Variants in THADA observed in about 807,000 individuals in gnomAD.
THADA encodes the protein THADA armadillo repeat containing.
In THADA, 213 loss-of-function variants were observed where a neutral mutation model predicts 219.8. The observed-to-expected ratio is 0.97, with a 90% CI of 0.87 to 1.09. The LOEUF (loss-of-function observed/expected upper bound fraction) is 1.09. Among genes scored for constraint, THADA ranks in the 50% least tolerant of loss-of-function variants. The pLI, the probability that THADA is intolerant of heterozygous loss-of-function variation, is 0.00. For missense variants in THADA, 2,956 were observed against 2,311.3 expected, an observed-to-expected ratio of 1.28 and a Z score of -5.72; for synonymous variants, 1,018 against 828.9, an observed-to-expected ratio of 1.23 and a Z score of -3.92.
intron 31 of THADA, among the ~76,000 whole-genome samples, chr2:43,295,662 G>C (rs1207429294): frequency 6.6e-6 from 1 of 152,152 alleles, no homozygotes; most frequent in Non-Finnish European, 1.5e-5. Flanking sequence ...ATAACTCAGA[G>C]AACTCTGCTG....
In THADA at chr2:43,577,132, GA is replaced by G; in HGVS notation, c.926del (p.Phe309SerfsTer35). 1 of 1,612,472 alleles carries G rather than the reference GA, an allele frequency of 6.2e-7. No individual in the cohort carries two copies. Among genetic ancestry groups the G allele is most frequent in the South Asian group, 1.1e-5 (1 of 90,460 alleles). ...CGDISQSAVL[F>X]LCQGTLAMLD... ...ACATGGCAAGTGTCCCCTGACAGAG[GA>G]ATAAGACAGCTGACTGAGAGATGTC... On this transcript the variant is annotated frameshift_variant, in exon 10 of 38. Coordinates refer to ENST00000405975, the MANE Select transcript of THADA (RefSeq NM_022065.5). LOFTEE classifies it high-confidence loss of function.
In THADA at chr2:43,495,607, CA is replaced by C. The variant is rs573813052; in HGVS notation, c.3744+3225del. Among the ~76,000 whole-genome samples, 135 of 151,636 alleles carry C rather than the reference CA, an allele frequency of 8.9e-4. 1 individual carries two copies. The highest frequency in any genetic ancestry group is 3.0e-3 in the African/African-American group (123 of 41,360). On this transcript the variant is annotated intron_variant, in intron 25 of 37. Transcript: ENST00000405975. ...GCACATGTATTACTGTTTAGGGTCT[CA>C]AAAAATAGTCTTTTCAAAAAAAAAA...
intron 28 of THADA, among the ~76,000 whole-genome samples, chr2:43,405,539 C>T (rs1000743388): frequency 1.3e-5 from 2 of 152,184 alleles, no homozygotes; most frequent in African/African-American, 4.8e-5. Flanking sequence ...CCACCACCAC[C>T]CGAACTAGTT....
chr2:43,429,386 T>G (rs1183110581), intron 27 of THADA, among the ~76,000 whole-genome samples: 2 of 152,052 alleles, frequency 1.3e-5, no homozygotes, highest in African/African-American at 4.8e-5. Flanking sequence ...GGATTACAGG[T>G]GTGAGCCACC....
chr2:43,296,919 C>T (rs924596768), intron 31 of THADA, among the ~76,000 whole-genome samples: 2 of 150,286 alleles, frequency 1.3e-5, no homozygotes, highest in Admixed American at 6.6e-5. Context: ...CCTGCCTTGG[C>T]CTCCCAAAGT....
At chr2:43,257,324 C>T (rs1670437843) in intron 36 of THADA, among the ~76,000 whole-genome samples, 2 of 152,198 alleles carry the variant, frequency 1.3e-5, no homozygotes, top group South Asian at 2.1e-4. Flanking sequence ...GCCCCTGGGG[C>T]GCTTGTCTCT....
intron 30 of THADA, 92 bp from the exon 31 acceptor site, chr2:43,320,632 A>G (rs780220190): frequency 1.1e-5 from 9 of 848,802 alleles, no homozygotes; most frequent in Non-Finnish European, 1.7e-5. Flanking sequence ...TCTATGGTAT[A>G]TGATGGGGCT....
chr2:43,485,370 A>G, intron 25 of THADA, 45 bp from the exon 26 acceptor site: 1 of 1,385,948 alleles, frequency 7.2e-7, no homozygotes, highest in Non-Finnish European at 1.0e-6. Flanking sequence ...TATTCTTGGC[A>G]TGAAACCAAC....
intron 26 of THADA, among the ~76,000 whole-genome samples, chr2:43,439,285 GAGAA>G (rs1288333689): frequency 2.0e-5 from 3 of 152,176 alleles, no homozygotes; most frequent in African/African-American, 7.2e-5. Flanking sequence ...GAGAGAGAGA[GAGAA>G]AGATCACACT....
chr2:43,488,192 T>C (rs1553461181), intron 25 of THADA, among the ~76,000 whole-genome samples: 1 of 152,228 alleles, frequency 6.6e-6, no homozygotes, highest in Non-Finnish European at 1.5e-5. Context: ...TAAATTGAGG[T>C]ATAATTCACA....
chr2:43,426,481 C>A (rs1320966752), intron 28 of THADA, among the ~76,000 whole-genome samples: 1 of 152,162 alleles, frequency 6.6e-6, no homozygotes, highest in East Asian at 1.9e-4. Context: ...CATGAAAGAA[C>A]AATTTTTAAG....
intron 27 of THADA, 127 bp downstream of exon 27, chr2:43,430,085 GA>G: frequency 2.0e-6 from 1 of 499,162 alleles, no homozygotes; most frequent in Non-Finnish European, 3.4e-6. Context: ...CTGTCTCAAG[GA>G]AAAAATTTAA....
chr2:43,384,276 T>C (rs751361687), intron 29 of THADA, among the ~76,000 whole-genome samples: 1 of 152,140 alleles, frequency 6.6e-6, no homozygotes, highest in Non-Finnish European at 1.5e-5. Flanking sequence ...CTGAACAATA[T>C]AGTCCTCCTT....
rs1181471851 is a variant in THADA, at chr2:43,508,709, C to T, written c.3446G>A (p.Ser1149Asn). The T allele has an allele frequency of 6.2e-7, 1 of 1,613,624 alleles. No individual in the cohort carries two copies. Among genetic ancestry groups the T allele is most frequent in the Non-Finnish European group, 8.5e-7 (1 of 1,179,740 alleles). ...LWSVLEEIKC[S>N]DPSSKLCATR... is the part of the protein sequence containing the mutation. ...AGCACAGAGTTTAGATGAAGGATCA[C>T]TGCATTTAATTTCCTCTAAAACACT... The change falls in exon 23 of 38, where the codon AGT (serine) becomes AAT (asparagine). Residue 1149 changes from serine (S) to asparagine (N), a missense_variant. Coordinates refer to ENST00000405975, the MANE Select transcript of THADA (RefSeq NM_022065.5).
chr2:43,578,679 T>TGAGCAGC (rs1343489093), intron 8 of THADA, 72 bp from the exon 9 acceptor site: 1 of 1,118,320 alleles, frequency 8.9e-7, no homozygotes, highest in African/African-American at 1.6e-5. Flanking sequence ...GAGCAGATGC[T>TGAGCAGC]GAGCAGCCAG....
chr2:43,405,353 G>A (rs1675408159), intron 28 of THADA, among the ~76,000 whole-genome samples: 1 of 152,220 alleles, frequency 6.6e-6, no homozygotes, highest in Non-Finnish European at 1.5e-5. Context: ...TGTATCCAGT[G>A]AGTTGGAAAA....
At chr2:43,358,717 A>G (rs1669148571) in intron 29 of THADA, among the ~76,000 whole-genome samples, 1 of 152,170 alleles carries the variant, frequency 6.6e-6, no homozygotes, top group African/African-American at 2.4e-5. Context: ...AACTGGACTT[A>G]ACTGTACCTA....
intron 30 of THADA, among the ~76,000 whole-genome samples, chr2:43,324,447 T>G (rs1382914475): frequency 1.3e-5 from 2 of 152,068 alleles, no homozygotes; most frequent in African/African-American, 2.4e-5. Flanking sequence ...ACAGAAGATT[T>G]GGGGCCACAA....
chr2:43,326,444 G>T (rs924066628), intron 30 of THADA, among the ~76,000 whole-genome samples: 1 of 152,132 alleles, frequency 6.6e-6, no homozygotes, highest in African/African-American at 2.4e-5. Flanking sequence ...TATGGGGGGC[G>T]GGAATTGGAA....
Sources: gnomAD v4.1 joint callset for allele counts (sites outside exome capture counted in the v4.1 genomes callset) on GRCh38, gnomAD v4.1.1 for gene constraint, MANE v1.5 for transcripts, NCBI Gene and HGNC (gene_info 2026-07-23, HGNC 2026-07-21) for gene names.